SPRED2: variants seen among roughly 807,000 people sequenced by gnomAD.
SPRED2 encodes the protein sprouty related EVH1 domain containing 2, also known as sprouty-related, EVH1 domain-containing protein 2.
In SPRED2, 47 loss-of-function variants were observed where a neutral mutation model predicts 43.0. The observed-to-expected ratio is 1.09, with a 90% CI of 0.87 to 1.40. The LOEUF (loss-of-function observed/expected upper bound fraction) is 1.40, where lower values mean the gene tolerates loss of function less well. Ranked by LOEUF, SPRED2 falls within the 40% of genes most tolerant of loss-of-function variation. The probability of loss-of-function intolerance (pLI) is 0.00; values close to 1 mark genes in which losing one functional copy is unlikely to be tolerated. For missense variants in SPRED2, 561 were observed against 586.4 expected (o/e 0.96, Z 0.45); for synonymous variants, 225 against 225.7 (o/e 1.00, Z 0.03).
intron 1 of SPRED2, among the ~76,000 whole-genome samples, chr2:65,373,050 A>G (rs67725501): frequency 0.052 from 7,844 of 152,302 alleles, 298 homozygotes; most frequent in Middle Eastern, 0.15. Context: ...GGACATGGAA[A>G]TGTCTTCTAA....
chr2:65,344,472 A>G lies in SPRED2; in HGVS notation c.204+247T>C, dbSNP rs114269809. The G allele has an allele frequency of 1.7e-3, 1,051 of 618,956 alleles. 11 individuals are homozygous for G. In the African/African-American group the frequency reaches 0.018, roughly 11 times the overall value. The allele number at this position is 618,956 out of a possible 1,614,324, so 38.3% of individuals were successfully genotyped here. A position where few individuals can be genotyped will look rare whatever the true frequency, so the allele number is the denominator to read the frequency against. On this transcript the variant is annotated intron_variant, in intron 2 of 5. Coordinates refer to ENST00000356388, the MANE Select transcript of SPRED2 (RefSeq NM_181784.3). ...GATAGACATCTTAATCAAAGATGCA[A>G]ATAAAACAGCCAAATATACTTCTAA...
chr2:65,325,793 T>C (rs936928297), intron 4 of SPRED2, among the ~76,000 whole-genome samples: 1 of 152,134 alleles, frequency 6.6e-6, no homozygotes, highest in Non-Finnish European at 1.5e-5. Context: ...ACAAAGTATT[T>C]TGTATACAAA....
At chr2:65,390,992 G>A (rs1973566) in intron 1 of SPRED2, among the ~76,000 whole-genome samples, 40,763 of 151,336 alleles carry the variant, frequency 0.27, 6,884 homozygotes, top group East Asian at 0.7. Flanking sequence ...GGCAGGTGAG[G>A]TGGGAGAATC....
intron 1 of SPRED2, among the ~76,000 whole-genome samples, chr2:65,381,341 G>A (rs193182191): frequency 2.4e-4 from 36 of 152,298 alleles, no homozygotes; most frequent in Non-Finnish European, 8.8e-5. Flanking sequence ...TCTAGGCAGT[G>A]CAGAATGACA....
At chr2:65,388,464 A>C (rs1166941826) in intron 1 of SPRED2, among the ~76,000 whole-genome samples, 3 of 152,146 alleles carry the variant, frequency 2.0e-5, no homozygotes, top group East Asian at 1.9e-4. Flanking sequence ...GCCTTGAAAA[A>C]TTAGCCAAGG....
Position 65,432,232 on chromosome 2 carries a change from A to T in SPRED2, c.-245T>A, listed in dbSNP as rs1482021986. On this transcript the variant is annotated 5_prime_UTR_variant, in exon 1 of 6. Coordinates refer to ENST00000356388, the MANE Select transcript of SPRED2 (RefSeq NM_181784.3). ...CAGCGCCGTGGGGAGAGGCGGGCGG[A>T]GGCTCCGGGGGCTCGGGAGCGGGCA... is the stretch of plus-strand genomic sequence containing the variant. The T allele has an allele frequency of 6.1e-6, 3 of 489,840 alleles. No individual in the cohort carries two copies. In the Admixed American group the frequency reaches 1.0e-4, roughly 17 times the overall value. 30.3% of individuals were successfully genotyped at this position (489,840 alleles called of 1,614,324 possible).
chr2:65,341,924 A>G (rs1674196303), intron 2 of SPRED2, among the ~76,000 whole-genome samples: 1 of 152,062 alleles, frequency 6.6e-6, no homozygotes, highest in Admixed American at 6.6e-5. Flanking sequence ...ATATATAAAA[A>G]TAAGAACTAA....
intron 2 of SPRED2, chr2:65,344,136 C>CAA (rs147613284): frequency 3.4e-3 from 249 of 72,422 alleles, no homozygotes; most frequent in Non-Finnish European, 3.9e-3. Flanking sequence ...GACTCCGTCT[C>CAA]AAAAAAAAAA....
downstream of SPRED2, chr2:65,308,415 A>C: frequency 2.0e-6 from 2 of 985,494 alleles, no homozygotes; most frequent in Non-Finnish European, 2.4e-6. Context: ...GGGGTCAGCA[A>C]GAAACTGAAA....
At chr2:65,350,077 A>G (rs536419250) in intron 1 of SPRED2, among the ~76,000 whole-genome samples, 1 of 152,282 alleles carries the variant, frequency 6.6e-6, no homozygotes, top group East Asian at 1.9e-4. Flanking sequence ...ACTTCACCCC[A>G]CCCAGCACAG....
At chr2:65,322,289 TATA>T (rs1288003677) in intron 4 of SPRED2, among the ~76,000 whole-genome samples, 2,523 of 97,870 alleles carry the variant, frequency 0.026, 136 homozygotes, top group African/African-American at 0.039. Flanking sequence ...TATATATATA[TATA>T]TATTTTTTTT....
intron 1 of SPRED2, among the ~76,000 whole-genome samples, chr2:65,364,639 G>A (rs759177994): frequency 1.1e-4 from 17 of 152,158 alleles, no homozygotes; most frequent in Admixed American, 9.2e-4. Context: ...AAAGAATGTG[G>A]ACAGGACCTG....
intron 1 of SPRED2, among the ~76,000 whole-genome samples, chr2:65,424,742 G>C (rs1676517787): frequency 6.9e-6 from 1 of 144,900 alleles, no homozygotes; most frequent in South Asian, 2.2e-4. Flanking sequence ...CTTAAGGCTA[G>C]GAGCTGAAGG....
At chr2:65,385,505 T>C (rs1330807287) in intron 1 of SPRED2, among the ~76,000 whole-genome samples, 1 of 152,136 alleles carries the variant, frequency 6.6e-6, no homozygotes, top group Non-Finnish European at 1.5e-5. Flanking sequence ...CAGGTAACCA[T>C]GCCAGTGCTG....
intron 1 of SPRED2, among the ~76,000 whole-genome samples, chr2:65,399,980 A>C (rs1027735878): frequency 3.3e-5 from 5 of 150,352 alleles, no homozygotes; most frequent in Non-Finnish European, 7.5e-5. Context: ...TATAAAAATT[A>C]AAAAACAAAA....
chr2:65,416,040 A>G (rs1360545275), intron 1 of SPRED2, among the ~76,000 whole-genome samples: 1 of 152,232 alleles, frequency 6.6e-6, no homozygotes, highest in East Asian at 1.9e-4. Context: ...CTCCCTGGTC[A>G]ATACTGCCCA....
chr2:65,370,452 T>C (rs1572876356), intron 1 of SPRED2, among the ~76,000 whole-genome samples: 1 of 152,322 alleles, frequency 6.6e-6, no homozygotes, highest in Non-Finnish European at 1.5e-5. Flanking sequence ...AAGGCAGGAC[T>C]GAGCAGCTGT....
intron 4 of SPRED2, among the ~76,000 whole-genome samples, chr2:65,327,793 G>A (rs536677898): frequency 7.9e-5 from 11 of 139,604 alleles, no homozygotes; most frequent in African/African-American, 2.7e-4. Context: ...GTGCGGTCTC[G>A]GCTCACTGCA....
chr2:65,307,862 C>T (rs1178532383), downstream of SPRED2, among the ~76,000 whole-genome samples: 2 of 152,144 alleles, frequency 1.3e-5, no homozygotes, highest in Non-Finnish European at 2.9e-5. Flanking sequence ...CTAACCATCT[C>T]ACCCCACGAA....
Sources: allele counts gnomAD v4.1 joint callset (sites outside exome capture counted in the v4.1 genomes callset), GRCh38; gene constraint gnomAD v4.1.1; transcripts MANE v1.5; gene names NCBI Gene and HGNC (gene_info 2026-07-23, HGNC 2026-07-21).